The following USP25 variants were observed in gnomAD, a reference collection of about 807,000 sequenced individuals.
The protein encoded by USP25 is ubiquitin specific peptidase 25.
USP25 carries 85 observed loss-of-function variants against 158.5 expected under a neutral mutation model. The observed-to-expected ratio is 0.54, with a 90% CI of 0.45 to 0.64. USP25 has a LOEUF of 0.64. Among genes scored for constraint, USP25 ranks in the 30% least tolerant of loss-of-function variants. The probability of loss-of-function intolerance (pLI) is 0.00; values close to 1 mark genes in which losing one functional copy is unlikely to be tolerated. For missense variants in USP25, 1,242 were observed against 1,327.3 expected (o/e 0.94, Z 1.00); for synonymous variants, 464 against 460.4 (o/e 1.01, Z -0.10).
intron 8 of USP25, 31 bp from the exon 9 acceptor site, chr21:15,811,106 A>G (rs201602742): frequency 1.6e-5 from 26 of 1,577,304 alleles, no homozygotes; most frequent in Non-Finnish European, 5.2e-6. Flanking sequence ...CGAAAATTGT[A>G]ATCACATTTA....
At chr21:15,743,192 C>T (rs1038316160) in intron 1 of USP25, among the ~76,000 whole-genome samples, 17 of 152,146 alleles carry the variant, frequency 1.1e-4, no homozygotes, top group African/African-American at 4.1e-4. Flanking sequence ...ATGTTTGGGC[C>T]CCCAGAGGGG....
Position 15,799,773 on chromosome 21 carries a change from T to C in USP25, c.572T>C (p.Leu191Ser), listed in dbSNP as rs1297532431. 9 of 1,596,394 alleles carry C rather than the reference T, an allele frequency of 5.6e-6. No homozygotes were observed. The highest frequency in any genetic ancestry group is 7.7e-6 in the Non-Finnish European group (9 of 1,171,342). ...SAVIQSLFNL[L>S]EFRRLVLNYK... ...CTTTTTCAGTCATTATTTAATCTTTTGGAATTTAGAAGATTAGTTCTGAAT... is the reference window on the plus strand; with the variant it reads ...CTTTTTCAGTCATTATTTAATCTTTCGGAATTTAGAAGATTAGTTCTGAAT... Residue 191 changes from leucine to serine, a missense_variant, in exon 6 of 26, where the codon TTG (leucine) becomes TCG (serine). Leu to Ser is a moderately radical substitution (Grantham distance 145). Coordinates refer to ENST00000400183, the MANE Select transcript of USP25 (RefSeq NM_001283041.3).
chr21:15,800,793 C>T (rs372528514), intron 6 of USP25, among the ~76,000 whole-genome samples: 2 of 151,470 alleles, frequency 1.3e-5, no homozygotes, highest in East Asian at 1.9e-4. Context: ...TTCGTTTTAG[C>T]GTTTAATTTT....
At chr21:15,858,162 C>T (rs1338406542) in intron 20 of USP25, among the ~76,000 whole-genome samples, 1 of 152,022 alleles carries the variant, frequency 6.6e-6, no homozygotes, top group East Asian at 1.9e-4. Flanking sequence ...CTTTTATAAA[C>T]AGGAAGTTTG....
chr21:15,735,071 CAT>C (rs1472757400), intron 1 of USP25, among the ~76,000 whole-genome samples: 1 of 152,218 alleles, frequency 6.6e-6, no homozygotes, highest in Non-Finnish European at 1.5e-5. Flanking sequence ...ACTCAAAAGT[CAT>C]GTGATACACA....
At chr21:15,748,463 T>TG (rs899965454) in intron 1 of USP25, among the ~76,000 whole-genome samples, 4 of 142,542 alleles carry the variant, frequency 2.8e-5, no homozygotes, top group African/African-American at 1.0e-4. Flanking sequence ...AGTTTTTTTT[T>TG]TTTTTTTTTT....
intron 4 of USP25, among the ~76,000 whole-genome samples, chr21:15,786,750 T>G (rs532162733): frequency 1.1e-4 from 16 of 152,108 alleles, no homozygotes; most frequent in African/African-American, 3.6e-4. Flanking sequence ...CTATTCAACA[T>G]AGTACTGGAA....
intron 7 of USP25, among the ~76,000 whole-genome samples, chr21:15,807,636 A>G (rs1195402423): frequency 1.3e-5 from 2 of 152,222 alleles, no homozygotes; most frequent in East Asian, 3.9e-4. Flanking sequence ...CATAGCTCCA[A>G]TCTCTGTCTT....
At chr21:15,736,000 G>GTA (rs1383280904) in intron 1 of USP25, among the ~76,000 whole-genome samples, 1 of 151,464 alleles carries the variant, frequency 6.6e-6, no homozygotes, top group East Asian at 1.9e-4. Flanking sequence ...GTGTGTGTGT[G>GTA]TGTATGTATG....
intron 17 of USP25, among the ~76,000 whole-genome samples, 161 bp from the exon 18 acceptor site, chr21:15,842,237 T>C (rs1470425260): frequency 6.6e-6 from 1 of 152,146 alleles, no homozygotes; most frequent in East Asian, 1.9e-4. Context: ...TTTAATAAAT[T>C]CTGGGAAGAA....
chr21:15,828,498 G>A (rs780511592), intron 14 of USP25, among the ~76,000 whole-genome samples: 5 of 152,156 alleles, frequency 3.3e-5, no homozygotes, highest in Non-Finnish European at 5.9e-5. Context: ...AGAGAGGGAC[G>A]AATCGAATGA....
chr21:15,859,904 C>A (rs984267931), intron 20 of USP25, among the ~76,000 whole-genome samples: 2 of 148,668 alleles, frequency 1.3e-5, no homozygotes, highest in Non-Finnish European at 3.0e-5. Context: ...TTTATTTCTC[C>A]TACTTTATAT....
intron 1 of USP25, among the ~76,000 whole-genome samples, chr21:15,736,068 G>A (rs991068557): frequency 2.7e-5 from 4 of 150,026 alleles, no homozygotes; most frequent in African/African-American, 9.8e-5. Context: ...TTGTTTTGTC[G>A]TCAGTAGTGT....
At chr21:15,790,195 G>A (rs2035516134) in intron 4 of USP25, among the ~76,000 whole-genome samples, 1 of 152,034 alleles carries the variant, frequency 6.6e-6, no homozygotes, top group African/African-American at 2.4e-5. Context: ...CGTGAAACAA[G>A]CCTAGAGTCT....
At chr21:15,802,049 A>G (rs772366254) in intron 6 of USP25, among the ~76,000 whole-genome samples, 5 of 151,530 alleles carry the variant, frequency 3.3e-5, no homozygotes, top group Non-Finnish European at 7.4e-5. Flanking sequence ...TCACACAGAT[A>G]TACATTTGGT....
intron 1 of USP25, among the ~76,000 whole-genome samples, chr21:15,730,854 C>T (rs2030764734): frequency 6.6e-6 from 1 of 152,142 alleles, no homozygotes. Context: ...GCAAAACGGT[C>T]TCCACCAAAA....
At chr21:15,730,851 G>A (rs532259293) in intron 1 of USP25, among the ~76,000 whole-genome samples, 4 of 152,082 alleles carry the variant, frequency 2.6e-5, no homozygotes, top group African/African-American at 9.7e-5. Flanking sequence ...TTTGCAAAAC[G>A]GTCTCCACCA....
intron 1 of USP25, among the ~76,000 whole-genome samples, chr21:15,757,206 C>T (rs1418094092): frequency 1.3e-5 from 2 of 152,160 alleles, no homozygotes; most frequent in Non-Finnish European, 2.9e-5. Context: ...AAAAACTTTG[C>T]AAATGAGGTG....
intron 5 of USP25, among the ~76,000 whole-genome samples, chr21:15,794,973 T>G (rs1328037612): frequency 6.6e-6 from 1 of 151,608 alleles, no homozygotes; most frequent in Non-Finnish European, 1.5e-5. Flanking sequence ...AGGATATAAT[T>G]TAAAATGCTT....
Sources: allele counts gnomAD v4.1 joint callset (sites outside exome capture counted in the v4.1 genomes callset), GRCh38; gene constraint gnomAD v4.1.1; transcripts MANE v1.5; gene names NCBI Gene and HGNC (gene_info 2026-07-23, HGNC 2026-07-21).